The following RYR2 variants were observed in gnomAD, a reference collection of about 807,000 sequenced individuals.
RYR2 encodes the protein ryanodine receptor 2, also known as cardiac muscle ryanodine receptor-calcium release channel.
Under a neutral mutation model 601.1 loss-of-function variants are expected in RYR2, and 227 were observed. The observed-to-expected ratio is 0.38, with a 90% CI of 0.34 to 0.42. The LOEUF (loss-of-function observed/expected upper bound fraction) is 0.42. RYR2 is among the 10% of genes least tolerant of loss of function. The pLI, the probability that RYR2 is intolerant of heterozygous loss-of-function variation, is 1.00. For missense variants in RYR2, 4,646 were observed against 6,156.5 expected (o/e 0.75, Z 8.21); for synonymous variants, 2,223 against 2,175.1 (o/e 1.02, Z -0.61).
At chr1:237,626,585 T>C (rs1339695343) in intron 40 of RYR2, among the ~76,000 whole-genome samples, 1 of 107,918 alleles carries the variant, frequency 9.3e-6, no homozygotes, top group Non-Finnish European at 1.8e-5. Flanking sequence ...TTTTTCTTTT[T>C]TTTTTTTTTT....
chr1:237,431,768 T>C (rs2150101271), intron 12 of RYR2, among the ~76,000 whole-genome samples: 1 of 152,228 alleles, frequency 6.6e-6, no homozygotes, highest in Admixed American at 6.6e-5. Context: ...TTGTTCACCA[T>C]GGATAGTGCA....
intron 1 of RYR2, among the ~76,000 whole-genome samples, chr1:237,221,019 C>G (rs6665340): frequency 0.31 from 47,165 of 151,696 alleles, 8,174 homozygotes; most frequent in Admixed American, 0.4. Context: ...TGGCTTGAAC[C>G]CTGGAGGTGG....
In RYR2 at chr1:237,602,081, T is replaced by A; in HGVS notation, c.4653T>A (p.Asn1551Lys). 6.2e-7 allele frequency: 1 copy of A among 1,613,042 alleles called. No individual in the cohort carries two copies. The highest frequency in any genetic ancestry group is 8.5e-7 in the Non-Finnish European group (1 of 1,179,420). ...TTTTTGCACAAGCTACAAGTCCCAA[T>A]GTTTTCCAGTTTGAGTTGGGAAGAA... ...PAVFAQATSP[N>K]VFQFELGRIK... is the part of the protein sequence containing the mutation. Residue 1551 changes from asparagine to lysine, a missense_variant, in exon 35 of 105, where the codon AAT becomes AAA. Around this residue, in one of 17 missense-constraint regions of RYR2, gnomAD observed 1,807 missense variants for 2,088.1 expected, o/e 0.87. Transcript: ENST00000366574.
At chr1:237,791,351 T>C in intron 92 of RYR2, 78 bp from the exon 93 acceptor site, 1 of 773,630 alleles carries the variant, frequency 1.3e-6, no homozygotes, top group Non-Finnish European at 2.3e-6. Context: ...GGTAAATGAA[T>C]GAATGCTTTA....
chr1:237,093,456 G>A (rs183408633), intron 1 of RYR2, among the ~76,000 whole-genome samples: 1 of 152,302 alleles, frequency 6.6e-6, no homozygotes, highest in East Asian at 1.9e-4. Flanking sequence ...GGGAGATCAA[G>A]GACAGCACAG....
intron 1 of RYR2, among the ~76,000 whole-genome samples, chr1:237,045,865 C>G (rs1384058826): frequency 9.3e-6 from 1 of 107,082 alleles, no homozygotes; most frequent in African/African-American, 3.8e-5. Context: ...TGACCTTGGT[C>G]AAGGTTTTTT....
rs890893251 is a variant in RYR2, at chr1:237,289,157, G to C, written c.168+18541G>C. Among the ~76,000 whole-genome samples the C allele has an allele frequency of 1.7e-4, 26 of 152,118 alleles. 1 individual carries two copies. Among genetic ancestry groups the C allele is most frequent in the African/African-American group, 5.8e-4 (24 of 41,428 alleles). The stretch of plus-strand genomic sequence containing the variant: ...TTGGGGCACTCACAGTTTTAGGGGG[G>C]TCTCCCGGGTCCTGCAGGAGCAGTC... On this transcript the variant is annotated intron_variant, in intron 2 of 104. Transcript: ENST00000366574.
At chr1:237,801,523 ATGAGTGCAACTCTGTCTC>A in intron 97 of RYR2, among the ~76,000 whole-genome samples, 1 of 145,606 alleles carries the variant, frequency 6.9e-6, no homozygotes, top group Non-Finnish European at 1.5e-5. Context: ...GTCTGGGTGA[ATGAGTGCAACTCTGTCTC>A]AAAAAAAAAA....
chr1:237,538,643 A>C (rs887637119), intron 25 of RYR2, among the ~76,000 whole-genome samples: 6 of 150,940 alleles, frequency 4.0e-5, no homozygotes, highest in Admixed American at 4.0e-4. Flanking sequence ...GTGGTGGCAC[A>C]ACCTGTAATC....
At chr1:237,058,264 A>T (rs1425509948) in intron 1 of RYR2, among the ~76,000 whole-genome samples, 1 of 152,214 alleles carries the variant, frequency 6.6e-6, no homozygotes, top group Non-Finnish European at 1.5e-5. Context: ...AAACAGAATG[A>T]TTCTGCTGGT....
chr1:237,507,199 G>A (rs143846415), intron 23 of RYR2, among the ~76,000 whole-genome samples: 39 of 152,278 alleles, frequency 2.6e-4, no homozygotes, highest in Non-Finnish European at 4.1e-4. Flanking sequence ...CTTTTCTCTC[G>A]CTCATGTTTC....
intron 48 of RYR2, among the ~76,000 whole-genome samples, chr1:237,646,563 G>A (rs765832965): frequency 1.7e-4 from 26 of 152,102 alleles, no homozygotes; most frequent in Admixed American, 2.6e-4. Context: ...TCCATATTTA[G>A]TATGTGAAGT....
At chr1:237,551,586 G>A (rs1670409910) in intron 27 of RYR2, among the ~76,000 whole-genome samples, 1 of 146,752 alleles carries the variant, frequency 6.8e-6, no homozygotes, top group African/African-American at 2.6e-5. Flanking sequence ...TTAATCCGTT[G>A]CTCCTGCAGT....
At chr1:237,088,571 G>A (rs764229321) in intron 1 of RYR2, among the ~76,000 whole-genome samples, 7 of 152,226 alleles carry the variant, frequency 4.6e-5, no homozygotes, top group Non-Finnish European at 7.4e-5. Context: ...GGTGTTGTAC[G>A]TTTCTTTTTC....
intron 10 of RYR2, among the ~76,000 whole-genome samples, chr1:237,413,937 T>A (rs571905608): frequency 6.6e-6 from 1 of 152,296 alleles, no homozygotes; most frequent in East Asian, 1.9e-4. Flanking sequence ...ATATTCTAGA[T>A]AGAGTATAAT....
In RYR2 at chr1:237,719,212, G is replaced by A. The variant is rs189738493; in HGVS notation, c.10554+691G>A. 4.4e-3 allele frequency among the ~76,000 whole-genome samples: 674 copies of A among 152,196 alleles called. 2 individuals carry two copies. The highest frequency in any genetic ancestry group is 0.024 in the Middle Eastern group (7 of 294). ...GTGGAGGTTGCAGTGAACCAAGACCGTGCCACTGCACTCCAGCCTAGACAA... is the reference window on the plus strand; with the variant it reads ...GTGGAGGTTGCAGTGAACCAAGACCATGCCACTGCACTCCAGCCTAGACAA... On this transcript the variant is annotated intron_variant, in intron 73 of 104. Coordinates refer to ENST00000366574, the MANE Select transcript of RYR2 (RefSeq NM_001035.3).
intron 58 of RYR2, among the ~76,000 whole-genome samples, chr1:237,669,291 C>G (rs982763917): frequency 2.6e-5 from 4 of 152,172 alleles, no homozygotes; most frequent in South Asian, 2.1e-4. Context: ...TACACAGACA[C>G]GGCAACCATC....
At chr1:237,281,952 C>T (rs1013385607) in intron 2 of RYR2, among the ~76,000 whole-genome samples, 4 of 152,068 alleles carry the variant, frequency 2.6e-5, no homozygotes, top group African/African-American at 9.7e-5. Flanking sequence ...CTGCAGAGGG[C>T]CCGCTGCCAC....
At chr1:237,493,300 A>G (rs185252607) in intron 19 of RYR2, among the ~76,000 whole-genome samples, 2 of 152,312 alleles carry the variant, frequency 1.3e-5, no homozygotes, top group South Asian at 2.1e-4. Flanking sequence ...CCGCAAACAC[A>G]TGTATAAGAG....
Sources: allele counts gnomAD v4.1 joint callset (sites outside exome capture counted in the v4.1 genomes callset), GRCh38; gene constraint gnomAD v4.1.1; regional missense constraint gnomAD v4.1.1; transcripts MANE v1.5; gene names NCBI Gene and HGNC (gene_info 2026-07-23, HGNC 2026-07-21).